The following PDHX variants were observed in gnomAD, a reference collection of about 807,000 sequenced individuals.
The protein encoded by PDHX is pyruvate dehydrogenase protein X component, mitochondrial.
A neutral mutation model predicts 55.3 loss-of-function variants in PDHX; 33 were observed. That is an observed-to-expected ratio of 0.60 (90% confidence interval 0.45 to 0.80). PDHX has a LOEUF of 0.80. PDHX is among the 30% of genes least tolerant of loss of function. PDHX has a pLI of 0.00. For synonymous variants in PDHX, 226 were observed against 219.4 expected (o/e 1.03, Z -0.27); for missense variants, 622 against 619.9 (o/e 1.00, Z -0.04).
chr11:34,920,043 T>C (rs1477446313), intron 1 of PDHX, among the ~76,000 whole-genome samples: 5 of 152,140 alleles, frequency 3.3e-5, no homozygotes, highest in African/African-American at 1.2e-4. Context: ...GGAAATAATA[T>C]ATAAGGCAGC....
At position 34,966,728 on chromosome 11, in the gene PDHX, C is replaced by T; in HGVS notation, c.730C>T (p.Pro244Ser). 2 of 1,614,182 alleles carry T rather than the reference C, an allele frequency of 1.2e-6. No individual in the cohort carries two copies. The highest frequency in any genetic ancestry group is 1.7e-5 in the Admixed American group (1 of 60,026). ...AGCCCCCACAGCCACTCCCACAGCA[C>T]CTTCGCCCCTACAGGCCACAGCTGG... ...TPAPTATPTA[P>S]SPLQATAGPS... Residue 244 changes from proline to serine, a missense_variant, in exon 6 of 11, where the codon CCT (proline) becomes TCT (serine). Physicochemically the swap from Pro to Ser is moderately conservative, Grantham distance 74. Transcript: ENST00000227868.
intron 7 of PDHX, among the ~76,000 whole-genome samples, chr11:34,975,824 G>T (rs993449254): frequency 6.6e-6 from 1 of 152,122 alleles, no homozygotes; most frequent in African/African-American, 2.4e-5. Flanking sequence ...ACCCTGTCAG[G>T]ATGGGAACAG....
chr11:34,952,928 A>G (rs941263058), intron 3 of PDHX, among the ~76,000 whole-genome samples: 4 of 151,580 alleles, frequency 2.6e-5, no homozygotes, highest in East Asian at 1.9e-4. Context: ...ACATGATTGT[A>G]TATCTAGAAA....
chr11:34,966,512 G>T (rs1459669712), intron 5 of PDHX, 128 bp from the exon 6 acceptor site: 3 of 886,286 alleles, frequency 3.4e-6, no homozygotes, highest in South Asian at 2.8e-5. Context: ...CAAATTACTG[G>T]TTTTTAATTA....
intron 9 of PDHX, among the ~76,000 whole-genome samples, chr11:34,988,447 A>G (rs1855696169): frequency 1.3e-5 from 2 of 152,084 alleles, no homozygotes. Flanking sequence ...TGTAGACTAG[A>G]GCCTCCTCCC....
intron 2 of PDHX, among the ~76,000 whole-genome samples, chr11:34,939,816 C>G (rs1470668981): frequency 1.3e-5 from 2 of 152,016 alleles, no homozygotes. Context: ...TCATTTCAGT[C>G]TGAGGATTGA....
At chr11:34,935,977 C>T (rs1460024472) in intron 2 of PDHX, among the ~76,000 whole-genome samples, 1 of 152,122 alleles carries the variant, frequency 6.6e-6, no homozygotes, top group Non-Finnish European at 1.5e-5. Flanking sequence ...AGGCAGTGGG[C>T]AGGACACCAG....
chr11:34,942,944 A>G (rs3852516), intron 2 of PDHX, among the ~76,000 whole-genome samples: 33,752 of 152,168 alleles, frequency 0.22, 4,910 homozygotes, highest in Non-Finnish European at 0.34. Context: ...AAAAAAGGCT[A>G]TCTTTTTAAA....
rs1257824752 is a variant in PDHX, at chr11:34,962,726, G to A, written c.641+2208G>A. On this transcript the variant is annotated intron_variant, in intron 5 of 10. Transcript: ENST00000227868. Reference sequence around the variant, plus strand: ...ATCTAAGAAAAGCCTCTTAAATTTGGTAATATGGTGTTCAGTAGTGTGACA... The same window carrying A: ...ATCTAAGAAAAGCCTCTTAAATTTGATAATATGGTGTTCAGTAGTGTGACA... Among the ~76,000 whole-genome samples, 3 of 152,244 alleles carry A rather than the reference G, an allele frequency of 2.0e-5. No individual in the cohort carries two copies. In the East Asian group the frequency reaches 5.8e-4, roughly 29 times the overall value.
At chr11:34,982,117 G>C (rs1236409412) in intron 8 of PDHX, among the ~76,000 whole-genome samples, 1 of 152,122 alleles carries the variant, frequency 6.6e-6, no homozygotes, top group Non-Finnish European at 1.5e-5. Flanking sequence ...TTTTCTTCTA[G>C]GGTTTTTATG....
At chr11:34,934,571 AT>A (rs35227178) in intron 2 of PDHX, among the ~76,000 whole-genome samples, 11,459 of 92,132 alleles carry the variant, frequency 0.12, 377 homozygotes, top group East Asian at 0.27. Context: ...GATATTATGG[AT>A]TTTTTTTTTT....
chr11:34,949,815 A>G (rs939547162), intron 3 of PDHX, among the ~76,000 whole-genome samples: 2 of 152,310 alleles, frequency 1.3e-5, no homozygotes, highest in Admixed American at 1.3e-4. Context: ...ATTTACATTT[A>G]TGTAATGTTT....
intron 7 of PDHX, among the ~76,000 whole-genome samples, chr11:34,975,188 T>A (rs1242896486): frequency 1.3e-5 from 1 of 75,468 alleles, no homozygotes; most frequent in Non-Finnish European, 3.2e-5. Context: ...GCTTTCAAGA[T>A]TTTTGCATTA....
chr11:34,987,370 C>T (rs77992184), intron 9 of PDHX, among the ~76,000 whole-genome samples: 1,526 of 152,026 alleles, frequency 0.01, 32 homozygotes, highest in African/African-American at 0.034. Flanking sequence ...TGGTTGTACT[C>T]GGAAAAAATA....
At position 34,934,299 on chromosome 11, in the gene PDHX, C is replaced by G. The variant is rs1310004252; in HGVS notation, c.241+2815C>G. Among the ~76,000 whole-genome samples, 2 of 152,094 alleles carry G rather than the reference C, an allele frequency of 1.3e-5. 1 individual carries two copies. Among genetic ancestry groups the G allele is most frequent in the Non-Finnish European group, 2.9e-5 (2 of 68,022 alleles). On this transcript the variant is annotated intron_variant, in intron 2 of 10. Transcript: ENST00000227868. ...TTCAAGCCTGTAGCTCTATCATTTT[C>G]CAGGAAATACAGGGGAAAATATAAC... is the stretch of plus-strand genomic sequence containing the variant.
At chr11:34,949,627 A>T (rs996013948) in intron 3 of PDHX, among the ~76,000 whole-genome samples, 5 of 151,944 alleles carry the variant, frequency 3.3e-5, no homozygotes, top group African/African-American at 1.2e-4. Context: ...GTATTTAGCA[A>T]ATTGAACAGC....
intron 2 of PDHX, among the ~76,000 whole-genome samples, chr11:34,936,801 TTTTTC>T (rs1325467336): frequency 7.5e-6 from 1 of 133,928 alleles, no homozygotes; most frequent in Non-Finnish European, 1.6e-5. Flanking sequence ...TTTTTTTTTT[TTTTTC>T]TGAGACAGAG....
intron 6 of PDHX, 49 bp downstream of exon 6, chr11:34,966,863 T>C: frequency 2.6e-6 from 4 of 1,553,958 alleles, no homozygotes; most frequent in Non-Finnish European, 3.5e-6. Flanking sequence ...TTTTTCTTTT[T>C]TTTTTTGAGA....
At position 34,931,478 on chromosome 11, in the gene PDHX, A is replaced by C; in HGVS notation, c.235A>C (p.Lys79Gln). The C allele has an allele frequency of 6.3e-7, 1 of 1,587,052 alleles. No individual in the cohort carries two copies. Among genetic ancestry groups the C allele is most frequent in the Non-Finnish European group, 8.6e-7 (1 of 1,156,750 alleles). The change falls in exon 2 of 11, where the codon AAG (lysine) becomes CAG (glutamine). Residue 79 changes from lysine to glutamine, a missense_variant. Physicochemically the swap from Lys to Gln is moderately conservative, Grantham distance 53. Transcript: ENST00000227868. ...AGGAAACATTGTGAAATGGCTGAAA[A>C]AGGAAGGTGAGGAGGTACCTTCCTA... ...EEGNIVKWLKKEGEAVSAGDA... is the reference protein window; with the variant it reads ...EEGNIVKWLKQEGEAVSAGDA...
Sources: allele counts gnomAD v4.1 joint callset (sites outside exome capture counted in the v4.1 genomes callset), GRCh38; gene constraint gnomAD v4.1.1; transcripts MANE v1.5; gene names NCBI Gene and HGNC (gene_info 2026-07-23, HGNC 2026-07-21).